Variants in ANKRD36 observed in about 807,000 individuals in gnomAD.
The protein encoded by ANKRD36 is ankyrin repeat domain-containing protein 36A.
In ANKRD36, 179 loss-of-function variants were observed where a neutral mutation model predicts 278.1. The ratio of observed to expected loss-of-function variants is 0.64; its 90% CI spans 0.57 to 0.73. ANKRD36 has a LOEUF of 0.73. Among genes scored for constraint, ANKRD36 ranks in the 30% least tolerant of loss-of-function variants. The probability of loss-of-function intolerance (pLI) is 0.00; values close to 1 mark genes in which losing one functional copy is unlikely to be tolerated. For missense variants in ANKRD36, 1,159 were observed against 1,956.7 expected, an observed-to-expected ratio of 0.59 and a Z score of 7.69; for synonymous variants, 320 against 641.1, an observed-to-expected ratio of 0.50 and a Z score of 7.57.
chr2:97,142,487 G>A (rs1001068565), intron 6 of ANKRD36, among the ~76,000 whole-genome samples, 153 bp from the exon 7 acceptor site: 1 of 152,262 alleles, frequency 6.6e-6, no homozygotes, highest in Admixed American at 6.5e-5. Flanking sequence ...GTGTATTTCT[G>A]TCATGTTCCA....
intron 28 of ANKRD36, 54 bp downstream of exon 28, chr2:97,183,708 T>G (rs2056782685): frequency 6.6e-7 from 1 of 1,519,680 alleles, no homozygotes; most frequent in African/African-American, 1.4e-5. Flanking sequence ...GAAGAGAACG[T>G]CCCACCCCTG....
intron 10 of ANKRD36, among the ~76,000 whole-genome samples, chr2:97,145,367 C>T (rs908361008): frequency 5.9e-5 from 9 of 151,838 alleles, no homozygotes; most frequent in African/African-American, 1.9e-4. Context: ...ACCTGTTTCC[C>T]CTCTTTGTTA....
At chr2:97,260,618 T>C (rs2076642273) in intron 75 of ANKRD36, among the ~76,000 whole-genome samples, 1 of 112,812 alleles carries the variant, frequency 8.9e-6, no homozygotes, top group African/African-American at 3.6e-5. Flanking sequence ...TTTAATGTTT[T>C]AATGTAACCA....
At chr2:97,233,545 T>C (rs553429317) in intron 67 of ANKRD36, among the ~76,000 whole-genome samples, 185 bp from the exon 68 acceptor site, 1 of 152,200 alleles carries the variant, frequency 6.6e-6, no homozygotes, top group African/African-American at 2.4e-5. Context: ...GAAACTAATT[T>C]ATCCATAGAC....
intron 50 of ANKRD36, among the ~76,000 whole-genome samples, chr2:97,204,903 A>G (rs751798739): frequency 1.3e-5 from 2 of 151,520 alleles, no homozygotes; most frequent in African/African-American, 2.4e-5. Flanking sequence ...TAAAAACACA[A>G]TAACTCATTA....
At chr2:97,205,735 T>C (rs902535092) in intron 50 of ANKRD36, among the ~76,000 whole-genome samples, 1 of 151,450 alleles carries the variant, frequency 6.6e-6, no homozygotes, top group African/African-American at 2.4e-5. Flanking sequence ...ACGTTTGAAA[T>C]TGTAAGGGTA....
chr2:97,186,199 C>G (rs2057385840), intron 30 of ANKRD36, among the ~76,000 whole-genome samples: 2 of 151,716 alleles, frequency 1.3e-5, no homozygotes, highest in Admixed American at 1.3e-4. Context: ...AGACATATAT[C>G]TTTTGTTGAT....
intron 51 of ANKRD36, 39 bp from the exon 52 acceptor site, chr2:97,206,024 A>T (rs372037697): frequency 6.5e-7 from 1 of 1,543,498 alleles, no homozygotes; most frequent in African/African-American, 1.4e-5. Flanking sequence ...TATGAAACAT[A>T]CTTTATTTAT....
chr2:97,211,364 C>A (rs1249587869), intron 56 of ANKRD36, among the ~76,000 whole-genome samples, 182 bp from the exon 57 acceptor site: 2 of 151,846 alleles, frequency 1.3e-5, no homozygotes, highest in Admixed American at 6.6e-5. Flanking sequence ...TTTCATGGAG[C>A]CTGTATTCCC....
At chr2:97,205,454 A>G (rs1226988343) in intron 50 of ANKRD36, among the ~76,000 whole-genome samples, 1 of 151,042 alleles carries the variant, frequency 6.6e-6, no homozygotes, top group Non-Finnish European at 1.5e-5. Flanking sequence ...GTGAAGTGTA[A>G]GTTCAACTGA....
intron 41 of ANKRD36, 47 bp downstream of exon 41, chr2:97,196,668 A>G (rs1236240019): frequency 6.3e-7 from 1 of 1,596,244 alleles, no homozygotes; most frequent in Non-Finnish European, 8.5e-7. Context: ...TGTATGGTCT[A>G]TGAAACATAC....
rs2062852969 is a variant in ANKRD36, at chr2:97,206,368, G to C, written c.3163+233G>C. On this transcript the variant is annotated intron_variant, in intron 52 of 75. Coordinates refer to ENST00000420699, the MANE Select transcript of ANKRD36 (RefSeq NM_001354587.1). ...TGAAGTTGGGAAGAAGATATATGGAGAGCAGTTGAAGACATAAGGGTCTCT... is the reference window on the plus strand; with the variant it reads ...TGAAGTTGGGAAGAAGATATATGGACAGCAGTTGAAGACATAAGGGTCTCT... Among the ~76,000 whole-genome samples, 13 of 151,398 alleles carry C rather than the reference G, an allele frequency of 8.6e-5. 1 individual carries two copies. The Admixed American group carries it at 8.6e-4, about 10-fold the overall frequency.
rs182260769 is a variant in ANKRD36, at chr2:97,206,730, A to T, written c.3163+595A>T. 2.4e-3 allele frequency among the ~76,000 whole-genome samples: 365 copies of T among 151,654 alleles called. 4 individuals carry two copies. Among genetic ancestry groups the T allele is most frequent in the African/African-American group, 8.6e-3 (357 of 41,472 alleles). ...GTACTTGATTTTGGCTGCTTCAGGA[A>T]CTGCTGGAAGAAGGAAGCAATCCTA... On this transcript the variant is annotated intron_variant, in intron 52 of 75. Transcript: ENST00000420699.
At chr2:97,191,239 T>C in intron 36 of ANKRD36, 58 bp downstream of exon 36, 1 of 1,485,450 alleles carries the variant, frequency 6.7e-7, no homozygotes, top group Non-Finnish European at 9.0e-7. Flanking sequence ...AGAATTTCTC[T>C]TTCCTGAATG....
chr2:97,203,985 G>T (rs1204701575), intron 48 of ANKRD36, 83 bp from the exon 49 acceptor site: 2 of 1,524,582 alleles, frequency 1.3e-6, no homozygotes, highest in Admixed American at 4.0e-5. Context: ...GGAGGACAGA[G>T]GCTGATGCTA....
At chr2:97,144,039 A>G (rs989230344) in intron 8 of ANKRD36, among the ~76,000 whole-genome samples, 1 of 152,172 alleles carries the variant, frequency 6.6e-6, no homozygotes, top group African/African-American at 2.4e-5. Flanking sequence ...ACATTCAACT[A>G]AAGTGCCATT....
intron 44 of ANKRD36, among the ~76,000 whole-genome samples, chr2:97,199,466 G>A (rs556361928): frequency 2.9e-3 from 440 of 151,898 alleles, no homozygotes; most frequent in African/African-American, 0.01. Flanking sequence ...AGAATAACAC[G>A]ATACTCCCAA....
At chr2:97,201,368 T>C (rs530066318) in intron 46 of ANKRD36, among the ~76,000 whole-genome samples, 18 of 151,990 alleles carry the variant, frequency 1.2e-4, no homozygotes, top group African/African-American at 4.3e-4. Context: ...GAAACAAAAA[T>C]TATGTTGCAT....
chr2:97,115,884 T>C (rs1313359684), intron 1 of ANKRD36, among the ~76,000 whole-genome samples: 1 of 150,586 alleles, frequency 6.6e-6, no homozygotes, highest in African/African-American at 2.4e-5. Context: ...AAACCCCTTA[T>C]AATGGATTTT....
Sources: allele counts gnomAD v4.1 joint callset (sites outside exome capture counted in the v4.1 genomes callset), GRCh38; gene constraint gnomAD v4.1.1; transcripts MANE v1.5; gene names NCBI Gene and HGNC (gene_info 2026-07-23, HGNC 2026-07-21).